CYB5RL: variants seen among roughly 807,000 people sequenced by gnomAD.
CYB5RL encodes the protein cytochrome b5 reductase like.
Under a neutral mutation model 37.5 loss-of-function variants are expected in CYB5RL, and 38 were observed. The ratio of observed to expected loss-of-function variants is 1.01; its 90% CI spans 0.78 to 1.33. The LOEUF is 1.33. Among genes scored for constraint, CYB5RL ranks in the 40% most tolerant of loss-of-function variants. The pLI is 0.00. For missense variants in CYB5RL, 388 were observed against 394.4 expected (o/e 0.98, Z 0.14); for synonymous variants, 141 against 151.9 (o/e 0.93, Z 0.53).
intron 4 of CYB5RL, among the ~76,000 whole-genome samples, chr1:54,188,660 C>A (rs1329706815): frequency 6.6e-6 from 1 of 152,160 alleles, no homozygotes; most frequent in African/African-American, 2.4e-5. Flanking sequence ...AATGAGGAAT[C>A]CAGTGCTTAG....
intron 5 of CYB5RL, among the ~76,000 whole-genome samples, chr1:54,186,511 T>A (rs940872008): frequency 4.4e-4 from 67 of 152,200 alleles, no homozygotes; most frequent in African/African-American, 1.6e-3. Context: ...TAGAGATAAT[T>A]AAGCATCTCT....
intron 7 of CYB5RL, among the ~76,000 whole-genome samples, chr1:54,178,276 C>T (rs1369090929): frequency 6.6e-6 from 1 of 152,118 alleles, no homozygotes; most frequent in Non-Finnish European, 1.5e-5. Flanking sequence ...ATAAAGCTGC[C>T]TCATAGCGGG....
At chr1:54,181,502 T>C (rs1429793280) in intron 6 of CYB5RL, among the ~76,000 whole-genome samples, 1 of 152,250 alleles carries the variant, frequency 6.6e-6, no homozygotes, top group African/African-American at 2.4e-5. Context: ...CGAAGACGAC[T>C]GCAGAGCAGC....
chr1:54,173,880 A>T lies in CYB5RL; in HGVS notation c.*739T>A, dbSNP rs1277945121. ...TGCTCTATCTTTAGATCTCCATAGC[A>T]ACCATCACCAGGGCACCAAGCTGAA... On this transcript the variant is annotated 3_prime_UTR_variant, in exon 8 of 8. Transcript: ENST00000534324. The T allele has an allele frequency of 6.5e-6, 1 of 152,854 alleles. No individual in the cohort carries two copies. The highest frequency in any genetic ancestry group is 1.9e-4 in the East Asian group (1 of 5,154). The allele number at this position is 152,854 out of a possible 1,614,324, so 9.5% of individuals were successfully genotyped here.
In CYB5RL at chr1:54,184,190, A is replaced by C; in HGVS notation, c.511T>G (p.Phe171Val). ...VGDTAFWRGP[F>V]GDFFYKPNQY... ...TTTGGTTTATAGAAGAAATCTCCGAAAGGTCCTCGCCAGAAAGCTGTGTCT... is the reference window on the plus strand; with the variant it reads ...TTTGGTTTATAGAAGAAATCTCCGACAGGTCCTCGCCAGAAAGCTGTGTCT... Residue 171 changes from phenylalanine (F) to valine (V), a missense_variant, in exon 6 of 8, where the codon TTC becomes GTC. Phe to Val is a conservative substitution (Grantham distance 50, BLOSUM62 -1). Transcript: ENST00000534324. 5.0e-6 allele frequency: 8 copies of C among 1,613,640 alleles called. No homozygotes were observed. The highest frequency in any genetic ancestry group is 6.8e-6 in the Non-Finnish European group (8 of 1,179,790).
chr1:54,181,076 C>T lies in CYB5RL; in HGVS notation c.541-1724G>A, dbSNP rs377127665. ...CTGGTGCAGATCCAATTAGATTCCT[C>T]CCCCTCCCTAAGCTGCTGAGACTCA... On this transcript the variant is annotated intron_variant, in intron 6 of 7. Coordinates refer to ENST00000534324, the MANE Select transcript of CYB5RL (RefSeq NM_001031672.4). Among the ~76,000 whole-genome samples the T allele has an allele frequency of 1.7e-3, 266 of 152,318 alleles. 2 individuals are homozygous for T. The highest frequency in any genetic ancestry group is 6.3e-3 in the African/African-American group (260 of 41,586).
At chr1:54,179,855 C>T in intron 6 of CYB5RL, 1 of 432,936 alleles carries the variant, frequency 2.3e-6, no homozygotes, top group Admixed American at 2.5e-5. Context: ...ATCTCAAGGG[C>T]CCACCTTGGA....
chr1:54,197,657 G>A (rs1489007451), intron 1 of CYB5RL, among the ~76,000 whole-genome samples: 1 of 152,098 alleles, frequency 6.6e-6, no homozygotes, highest in African/African-American at 2.4e-5. Context: ...CAGTGAGGCT[G>A]TTTGACTGGC....
intron 1 of CYB5RL, among the ~76,000 whole-genome samples, chr1:54,196,795 G>T (rs562509986): frequency 4.6e-5 from 7 of 152,280 alleles, no homozygotes; most frequent in African/African-American, 1.7e-4. Context: ...TGGCATGTCT[G>T]GTTTCAAAAC....
chr1:54,198,829 C>G (rs1644043199), intron 1 of CYB5RL, among the ~76,000 whole-genome samples: 1 of 151,800 alleles, frequency 6.6e-6, no homozygotes, highest in Non-Finnish European at 1.5e-5. Flanking sequence ...GAGAGGAGGT[C>G]TCACCATGTT....
At position 54,187,754 on chromosome 1, in the gene CYB5RL, T is replaced by C. The variant is rs2100472953; in HGVS notation, c.348-15A>G. Reference sequence around the variant, plus strand: ...CTACTATCCCTCTGAGAAACAGAAGTGTGCAGTCAGTCAGCCAGTCATTCA... The same window carrying C: ...CTACTATCCCTCTGAGAAACAGAAGCGTGCAGTCAGTCAGCCAGTCATTCA... On this transcript the variant is annotated splice_polypyrimidine_tract_variant and intron_variant, in intron 4 of 7. Coordinates refer to ENST00000534324, the MANE Select transcript of CYB5RL (RefSeq NM_001031672.4). The C allele has an allele frequency of 1.2e-6, 2 of 1,610,584 alleles. No individual in the cohort carries two copies. Among genetic ancestry groups the C allele is most frequent in the South Asian group, 1.1e-5 (1 of 91,020 alleles).
chr1:54,196,690 T>G (rs1446582892), intron 1 of CYB5RL, among the ~76,000 whole-genome samples, 199 bp from the exon 2 acceptor site: 1 of 152,204 alleles, frequency 6.6e-6, no homozygotes, highest in African/African-American at 2.4e-5. Context: ...TTCCCCTAGT[T>G]TTGCCACCTT....
At chr1:54,187,969 G>A in intron 4 of CYB5RL, 1 of 500,052 alleles carries the variant, frequency 2.0e-6, no homozygotes, top group South Asian at 2.6e-5. Context: ...TCAGCTACCT[G>A]GGAGGCTGAG....
chr1:54,197,889 A>G (rs576128813), intron 1 of CYB5RL, among the ~76,000 whole-genome samples: 3 of 151,902 alleles, frequency 2.0e-5, no homozygotes, highest in East Asian at 3.9e-4. Context: ...TTAGCCGGGC[A>G]TGGTGGTGGG....
At chr1:54,180,381 G>C (rs886190914) in intron 6 of CYB5RL, 1 of 305,704 alleles carries the variant, frequency 3.3e-6, no homozygotes, top group East Asian at 9.9e-5. Flanking sequence ...CAAGGCAGGC[G>C]GTTCACGAGG....
chr1:54,184,502 C>A, intron 5 of CYB5RL: 1 of 460,016 alleles, frequency 2.2e-6, no homozygotes, highest in South Asian at 3.2e-5. Context: ...GGACCTAAAG[C>A]CTTCAGCATA....
chr1:54,198,443 T>C (rs942200710), intron 1 of CYB5RL, among the ~76,000 whole-genome samples: 8 of 150,846 alleles, frequency 5.3e-5, no homozygotes, highest in Middle Eastern at 3.2e-3. Flanking sequence ...CATCATTCTC[T>C]TGCCTCAGCC....
intron 7 of CYB5RL, among the ~76,000 whole-genome samples, chr1:54,177,583 T>C (rs925141380): frequency 2.0e-5 from 3 of 152,290 alleles, no homozygotes; most frequent in African/African-American, 7.2e-5. Flanking sequence ...CCTCCTGGGT[T>C]CATACTCCAC....
chr1:54,195,529 C>G lies in CYB5RL; in HGVS notation c.88G>C (p.Gly30Arg). The change falls in exon 3 of 8, where the codon GGC becomes CGC. Residue 30 changes from glycine to arginine, a missense_variant. Physicochemically the swap from Gly to Arg is moderately radical, Grantham distance 125. Transcript: ENST00000534324. ...PTEPLPSQCCGSGCSPCVFDL... is the reference protein window; with the variant it reads ...PTEPLPSQCCRSGCSPCVFDL... Reference sequence around the variant, plus strand: ...AACACACAGGGTGAGCAGCCACTGCCGCAGCACTGGGAAGGCAAGGGTTCT... The same window carrying G: ...AACACACAGGGTGAGCAGCCACTGCGGCAGCACTGGGAAGGCAAGGGTTCT... The G allele has an allele frequency of 1.2e-6, 2 of 1,613,722 alleles. No homozygotes were observed. Among genetic ancestry groups the G allele is most frequent in the Non-Finnish European group, 1.7e-6 (2 of 1,179,772 alleles).
Sources: allele counts gnomAD v4.1 joint callset (sites outside exome capture counted in the v4.1 genomes callset), GRCh38; gene constraint gnomAD v4.1.1; transcripts MANE v1.5; gene names NCBI Gene and HGNC (gene_info 2026-07-23, HGNC 2026-07-21).